NTSR1: variants seen among roughly 807,000 people sequenced by gnomAD.
NTSR1 encodes neurotensin receptor type 1.
Under a neutral mutation model 31.2 loss-of-function variants are expected in NTSR1, and 29 were observed. That is an observed-to-expected ratio of 0.93 (90% CI 0.69 to 1.27). The LOEUF (loss-of-function observed/expected upper bound fraction) is 1.27. NTSR1 is among the 50% of genes most tolerant of loss of function. The pLI is 0.00. For missense variants in NTSR1, 697 were observed against 595.4 expected (o/e 1.17, Z -1.78); for synonymous variants, 282 against 269.9 (o/e 1.04, Z -0.44).
In NTSR1 at chr20:62,711,722, G is replaced by A. The variant is rs921770062; in HGVS notation, c.714+1801G>A. ...TGAGGACAGCTCGGCTCCGCCCCCC[G>A]GAAAGTGTCCTCCCCGCGTGCGTGG... On this transcript the variant is annotated intron_variant, in intron 1 of 3. Coordinates refer to ENST00000370501, the MANE Select transcript of NTSR1 (RefSeq NM_002531.3). This position sits in a 1 kb window ranked among gnomAD's most constrained non-coding sequence, Gnocchi z 6.4. 1.1e-4 allele frequency among the ~76,000 whole-genome samples: 16 copies of A among 152,140 alleles called. No individual in the cohort carries two copies. Among genetic ancestry groups the A allele is most frequent in the East Asian group, 1.9e-4 (1 of 5,194 alleles).
chr20:62,746,329 G>A (rs987310978), intron 1 of NTSR1, among the ~76,000 whole-genome samples: 5 of 152,154 alleles, frequency 3.3e-5, no homozygotes, highest in Admixed American at 2.0e-4. Context: ...AGGCCTTCCC[G>A]GAACCCCCAG....
chr20:62,713,851 G>A (rs533598120), intron 1 of NTSR1, among the ~76,000 whole-genome samples: 1 of 152,352 alleles, frequency 6.6e-6, no homozygotes, highest in East Asian at 1.9e-4. Context: ...TGTAATCCCA[G>A]CACTTTGGGA....
In NTSR1 at chr20:62,711,175, A is replaced by C. The variant is rs923834293; in HGVS notation, c.714+1254A>C. ...TGGAGGAGGGTAGAACTGAGCTCCCAGTCTCCCTGGCTGCACATAGAACTG... is the reference window on the plus strand; with the variant it reads ...TGGAGGAGGGTAGAACTGAGCTCCCCGTCTCCCTGGCTGCACATAGAACTG... On this transcript the variant is annotated intron_variant, in intron 1 of 3. Transcript: ENST00000370501. This position sits in a 1 kb window ranked among gnomAD's most constrained non-coding sequence, Gnocchi z 6.4. Among the ~76,000 whole-genome samples, 4 of 152,028 alleles carry C rather than the reference A, an allele frequency of 2.6e-5. No individual in the cohort carries two copies. The highest frequency in any genetic ancestry group is 5.9e-5 in the Non-Finnish European group (4 of 67,964).
intron 1 of NTSR1, among the ~76,000 whole-genome samples, chr20:62,728,915 C>A (rs888575833): frequency 2.6e-5 from 4 of 152,208 alleles, no homozygotes; most frequent in Admixed American, 6.5e-5. Context: ...AGATTCTTTT[C>A]TGAAGGAAGC....
At chr20:62,736,068 G>A (rs1989087238) in intron 1 of NTSR1, among the ~76,000 whole-genome samples, 1 of 152,236 alleles carries the variant, frequency 6.6e-6, no homozygotes, top group Non-Finnish European at 1.5e-5. Context: ...AGTATGTGGT[G>A]ATCACAAAAG....
chr20:62,723,100 T>A (rs978695935), intron 1 of NTSR1, among the ~76,000 whole-genome samples: 1 of 152,204 alleles, frequency 6.6e-6, no homozygotes, highest in Admixed American at 6.5e-5. Flanking sequence ...TTACTGTAAA[T>A]TTCAGTAACT....
rs764693687 is a variant in NTSR1, at chr20:62,747,565, A to G, written c.715-7120A>G. On this transcript the variant is annotated intron_variant, in intron 1 of 3. Transcript: ENST00000370501. ...CACAGCTAACACCACACTCAGTGAT[A>G]AGAAGTAGAAAGCTTTTTCTCTAAG... 2.0e-5 allele frequency among the ~76,000 whole-genome samples: 3 copies of G among 152,256 alleles called. 1 individual carries two copies. The highest frequency in any genetic ancestry group is 4.4e-5 in the Non-Finnish European group (3 of 68,050).
chr20:62,745,252 CACAGAGAG>C lies in NTSR1; in HGVS notation c.715-9429_715-9422del. On this transcript the variant is annotated intron_variant, in intron 1 of 3. Transcript: ENST00000370501. The surrounding 1 kb of genome is among the most constrained non-coding windows in gnomAD (Gnocchi z 4.1). ...AGAGACACAGAGAGGAAAGCAGAGACACAGAGAGACATGGAGAGAGACACAGAGACAGA... is the reference window on the plus strand; with the variant it reads ...AGAGACACAGAGAGGAAAGCAGAGACACATGGAGAGAGACACAGAGACAGA... Among the ~76,000 whole-genome samples the C allele has an allele frequency of 6.6e-6, 1 of 151,924 alleles. No homozygotes were observed. Among genetic ancestry groups the C allele is most frequent in the African/African-American group, 2.4e-5 (1 of 41,426 alleles).
intron 2 of NTSR1, among the ~76,000 whole-genome samples, chr20:62,756,942 G>A (rs1989523714): frequency 6.6e-6 from 1 of 152,170 alleles, no homozygotes; most frequent in Non-Finnish European, 1.5e-5. Context: ...TGGATTGTTT[G>A]TTTTCATGTT....
chr20:62,718,958 C>A (rs1442066147), intron 1 of NTSR1, among the ~76,000 whole-genome samples: 2 of 152,140 alleles, frequency 1.3e-5, no homozygotes, highest in South Asian at 4.1e-4. Flanking sequence ...CTGTTTTGAA[C>A]GTCCCTCACC....
At chr20:62,719,460 C>T (rs1489565166) in intron 1 of NTSR1, among the ~76,000 whole-genome samples, 1 of 150,266 alleles carries the variant, frequency 6.7e-6, no homozygotes, top group Non-Finnish European at 1.5e-5. Context: ...CTCGGTACAT[C>T]GTCATACGAT....
At chr20:62,718,968 C>A (rs1328279721) in intron 1 of NTSR1, among the ~76,000 whole-genome samples, 1 of 152,070 alleles carries the variant, frequency 6.6e-6, no homozygotes, top group Non-Finnish European at 1.5e-5. Context: ...CGTCCCTCAC[C>A]CTAGCCTTAA....
chr20:62,738,478 G>A (rs1425896888), intron 1 of NTSR1, among the ~76,000 whole-genome samples: 1 of 152,262 alleles, frequency 6.6e-6, no homozygotes, highest in African/African-American at 2.4e-5. Context: ...GTTCCTGCAG[G>A]GTGGAAGGAC....
chr20:62,754,165 C>G (rs774438946), intron 1 of NTSR1, among the ~76,000 whole-genome samples: 2 of 152,074 alleles, frequency 1.3e-5, no homozygotes, highest in South Asian at 4.1e-4. Context: ...TGAGAGGTAG[C>G]TGGGGTGGGA....
chr20:62,756,372 G>A (rs144637407), intron 2 of NTSR1, among the ~76,000 whole-genome samples: 5 of 152,354 alleles, frequency 3.3e-5, no homozygotes, highest in African/African-American at 7.2e-5. Context: ...CAGGGCAGAC[G>A]CTGCCAACAA....
chr20:62,761,257 C>G lies in NTSR1; in HGVS notation c.*990C>G, dbSNP rs1555813511. ...GGGCCTTGAGAAGGGGAATGTGGGA[C>G]AGGGGCGATGGTGCCTGGTCTCTGA... On this transcript the variant is annotated 3_prime_UTR_variant, in exon 4 of 4. Coordinates refer to ENST00000370501, the MANE Select transcript of NTSR1 (RefSeq NM_002531.3). The G allele has an allele frequency of 2.0e-5, 3 of 152,322 alleles. No homozygotes were observed. Among genetic ancestry groups the G allele is most frequent in the Non-Finnish European group, 1.5e-5 (1 of 68,158 alleles). The allele number at this position is 152,322 out of a possible 1,614,324, so 9.4% of individuals were successfully genotyped here.
chr20:62,726,164 C>T (rs993212228), intron 1 of NTSR1, among the ~76,000 whole-genome samples: 9 of 152,202 alleles, frequency 5.9e-5, no homozygotes, highest in Non-Finnish European at 8.8e-5. Flanking sequence ...GGTCTCAACC[C>T]TTTCTGTGGG....
At chr20:62,757,806 C>T (rs1989536487) in intron 2 of NTSR1, among the ~76,000 whole-genome samples, 1 of 151,906 alleles carries the variant, frequency 6.6e-6, no homozygotes, top group Non-Finnish European at 1.5e-5. Context: ...CTCTCTGAGC[C>T]TGTGTCCTGT....
intron 1 of NTSR1, among the ~76,000 whole-genome samples, chr20:62,722,512 G>C (rs1467636982): frequency 6.6e-6 from 1 of 152,232 alleles, no homozygotes; most frequent in Non-Finnish European, 1.5e-5. Flanking sequence ...GAAAGCCGGT[G>C]TAGGCTTCTG....
Sources: allele counts gnomAD v4.1 joint callset (sites outside exome capture counted in the v4.1 genomes callset), GRCh38; gene constraint gnomAD v4.1.1; non-coding constraint Gnocchi (gnomAD v3.1); transcripts MANE v1.5; gene names NCBI Gene and HGNC (gene_info 2026-07-23, HGNC 2026-07-21).